Variants in ENDOV observed in about 807,000 individuals in gnomAD.
ENDOV encodes endonuclease V.
In ENDOV, 37 loss-of-function variants were observed where a neutral mutation model predicts 39.4. The observed-to-expected ratio is 0.94, with a 90% CI of 0.72 to 1.23. The LOEUF is 1.23. ENDOV is among the 50% of genes most tolerant of loss of function. ENDOV has a pLI of 0.00. For synonymous variants in ENDOV, 186 were observed against 163.4 expected, an observed-to-expected ratio of 1.14 and a Z score of -1.05; for missense variants, 441 against 375.7, an observed-to-expected ratio of 1.17 and a Z score of -1.44.
Position 80,429,759 on chromosome 17 carries a change from A to G in ENDOV, c.780-14A>G. 6.3e-7 allele frequency: 1 copy of G among 1,594,768 alleles called. No homozygotes were observed. Among genetic ancestry groups the G allele is most frequent in the Non-Finnish European group, 8.5e-7 (1 of 1,172,732 alleles). ...TAGCATCTGATGCTGTCCCTTTCTC[A>G]ATGTCATCACCAGGAGCCCGAAGGC... On this transcript the variant is annotated splice_polypyrimidine_tract_variant and intron_variant, in intron 8 of 9. Transcript: ENST00000518137.
chr17:80,433,000 C>A, intron 9 of ENDOV, among the ~76,000 whole-genome samples: 1 of 152,172 alleles, frequency 6.6e-6, no homozygotes, highest in Non-Finnish European at 1.5e-5. Context: ...CCAGTAGGAC[C>A]CTTGGGAGGC....
At chr17:80,427,202 C>G (rs2082804415) in intron 7 of ENDOV, among the ~76,000 whole-genome samples, 1 of 152,236 alleles carries the variant, frequency 6.6e-6, no homozygotes, top group Non-Finnish European at 1.5e-5. Context: ...AGCTGTGTCC[C>G]CAGCCCCCAG....
chr17:80,428,042 T>C (rs1171334460), intron 7 of ENDOV, among the ~76,000 whole-genome samples: 1 of 152,250 alleles, frequency 6.6e-6, no homozygotes, highest in Non-Finnish European at 1.5e-5. Flanking sequence ...CACTCAGACC[T>C]GAGCCCTGTT....
intron 7 of ENDOV, chr17:80,428,371 C>A (rs1191634928): frequency 2.6e-5 from 15 of 569,988 alleles, no homozygotes; most frequent in Non-Finnish European, 4.4e-5. Flanking sequence ...GACTGCCCAG[C>A]TCGGTTTGAG....
chr17:80,415,817 TCGAGG>T lies in ENDOV; in HGVS notation c.225_228+1del. ...CTGGTGGTGCTCAGCTTCCCTGAGC[TCGAGG>T]TAACCTGGGAGGACGCCGAGCTCGA... is the stretch of plus-strand genomic sequence containing the variant. On this transcript the variant is annotated splice_donor_variant and coding_sequence_variant, in exon 2 of 10. Transcript: ENST00000518137. LOFTEE classifies it high-confidence loss of function. The T allele has an allele frequency of 6.3e-7, 1 of 1,592,884 alleles. No homozygotes were observed. Among genetic ancestry groups the T allele is most frequent in the Non-Finnish European group, 8.5e-7 (1 of 1,169,854 alleles).
At chr17:80,423,310 G>T (rs925374802) in intron 4 of ENDOV, among the ~76,000 whole-genome samples, 2 of 152,264 alleles carry the variant, frequency 1.3e-5, no homozygotes, top group Non-Finnish European at 2.9e-5. Context: ...AGAGAAGGAG[G>T]CTTCCTCCAC....
In ENDOV at chr17:80,430,155, C is replaced by G. The variant is rs753351885; in HGVS notation, c.838+324C>G. 2.2e-5 allele frequency: 33 copies of G among 1,511,090 alleles called. No homozygotes were observed. The African/African-American group carries it at 3.5e-4, about 16-fold the overall frequency. The allele number at this position is 1,511,090 out of a possible 1,614,324, so 93.6% of individuals were successfully genotyped here. On this transcript the variant is annotated intron_variant, in intron 9 of 9. Coordinates refer to ENST00000518137, the MANE Select transcript of ENDOV (RefSeq NM_173627.5). ...CCACGGCCCCTCTTTGCTCCGTCAT[C>G]GGCTGGTCAGCTGTGGTCACGGTGC...
Position 80,425,015 on chromosome 17 carries a change from T to G in ENDOV, c.517-17T>G, listed in dbSNP as rs747069564. On this transcript the variant is annotated splice_polypyrimidine_tract_variant and intron_variant, in intron 5 of 9. Coordinates refer to ENST00000518137, the MANE Select transcript of ENDOV (RefSeq NM_173627.5). ...AAGAGAGGGGTTTTTTTCCCCATTT[T>G]TCCCTCCATTTTCCAGATCCGACTC... 1.2e-6 allele frequency: 2 copies of G among 1,610,006 alleles called. No homozygotes were observed. The highest frequency in any genetic ancestry group is 1.7e-4 in the Middle Eastern group (1 of 6,060).
At chr17:80,430,387 G>A (rs909667556) in intron 9 of ENDOV, 34 of 971,152 alleles carry the variant, frequency 3.5e-5, no homozygotes, top group Non-Finnish European at 4.6e-5. Context: ...TTGTTTGTTT[G>A]TTTATTTATT....
Position 80,415,827 on chromosome 17 carries a change from C to G in ENDOV, c.228+6C>G. On this transcript the variant is annotated splice_donor_region_variant and intron_variant, in intron 2 of 9. Coordinates refer to ENST00000518137, the MANE Select transcript of ENDOV (RefSeq NM_173627.5). ...TCAGCTTCCCTGAGCTCGAGGTAACCTGGGAGGACGCCGAGCTCGAGGCGG... is the reference window on the plus strand; with the variant it reads ...TCAGCTTCCCTGAGCTCGAGGTAACGTGGGAGGACGCCGAGCTCGAGGCGG... 1 of 1,587,732 alleles carries G rather than the reference C, an allele frequency of 6.3e-7. No homozygotes were observed. Among genetic ancestry groups the G allele is most frequent in the Non-Finnish European group, 8.6e-7 (1 of 1,167,310 alleles).
intron 9 of ENDOV, chr17:80,430,185 G>A (rs2083237882): frequency 3.4e-6 from 5 of 1,486,118 alleles, no homozygotes; most frequent in Non-Finnish European, 4.5e-6. Context: ...CGGTGCCTCA[G>A]AGGACAGATC....
intron 2 of ENDOV, chr17:80,419,853 G>A (rs1312517286): frequency 2.2e-5 from 13 of 593,572 alleles, no homozygotes; most frequent in Admixed American, 2.1e-4. Flanking sequence ...CATTTCAGTC[G>A]GTGTAGCTGG....
chr17:80,436,423 C>A lies in ENDOV; in HGVS notation c.*280C>A. On this transcript the variant is annotated 3_prime_UTR_variant, in exon 10 of 10. Transcript: ENST00000518137. ...GAGCTGTTAGATTTTCAAGGATGCT[C>A]TTCATCCAGCTGAAGACGGTCCCTT... The A allele has an allele frequency of 3.8e-6, 5 of 1,312,620 alleles. No individual in the cohort carries two copies. The highest frequency in any genetic ancestry group is 5.0e-6 in the Non-Finnish European group (5 of 998,234). The allele number at this position is 1,312,620 out of a possible 1,614,324, so 81.3% of individuals were successfully genotyped here. A position where few individuals can be genotyped will look rare whatever the true frequency, so the allele number is the denominator to read the frequency against.
At chr17:80,430,205 G>A in intron 9 of ENDOV, 1 of 1,472,324 alleles carries the variant, frequency 6.8e-7, no homozygotes. Context: ...CTCTATGGGG[G>A]CAAGTGCCAG....
rs1411618724 is a variant in ENDOV at position 80,422,385 on chromosome 17, A to ATTCTTTCT, written c.403+140_403+141insTTCTTTCT. On this transcript the variant is annotated intron_variant, in intron 4 of 9. Coordinates refer to ENST00000518137, the MANE Select transcript of ENDOV (RefSeq NM_173627.5). ...CTCCAATGGCTTCTTTCTCGGCGCA[A>ATTCTTTCT]CGGGGACGCGCAGTGCGCTCAGCCC... The ATTCTTTCT allele has an allele frequency of 2.0e-3, 2,038 of 1,027,896 alleles. 49 individuals are homozygous for ATTCTTTCT. In the African/African-American group the frequency reaches 0.031, roughly 16 times the overall value. 63.7% of individuals were successfully genotyped at this position (1,027,896 alleles called of 1,614,324 possible). A position where few individuals can be genotyped will look rare whatever the true frequency, so the allele number is the denominator to read the frequency against.
chr17:80,421,186 AGG>A (rs2081969377), intron 2 of ENDOV, among the ~76,000 whole-genome samples: 1 of 145,466 alleles, frequency 6.9e-6, no homozygotes, highest in African/African-American at 2.6e-5. Context: ...CAGGTCCCGG[AGG>A]CTCCTCCTAT....
At chr17:80,423,943 A>G (rs562393000) in intron 5 of ENDOV, 3 of 428,326 alleles carry the variant, frequency 7.0e-6, no homozygotes, top group East Asian at 7.5e-5. Flanking sequence ...ACGGGCTTCC[A>G]GGCTGTCCCG....
chr17:80,431,004 C>T (rs867301527), intron 9 of ENDOV, among the ~76,000 whole-genome samples: 1 of 152,216 alleles, frequency 6.6e-6, no homozygotes, highest in Non-Finnish European at 1.5e-5. Flanking sequence ...CCTTGACATG[C>T]CGGCTGGCCT....
chr17:80,419,094 A>T (rs1395860690), intron 2 of ENDOV, among the ~76,000 whole-genome samples: 2 of 150,796 alleles, frequency 1.3e-5, no homozygotes, highest in Non-Finnish European at 2.9e-5. Context: ...AATGGCGTGA[A>T]CCTGGGAGGC....
Sources: allele counts gnomAD v4.1 joint callset (sites outside exome capture counted in the v4.1 genomes callset), GRCh38; gene constraint gnomAD v4.1.1; transcripts MANE v1.5; gene names NCBI Gene and HGNC (gene_info 2026-07-23, HGNC 2026-07-21).